RYR2: variants seen among roughly 807,000 people sequenced by gnomAD.
RYR2 encodes ryanodine receptor 2.
RYR2 carries 227 observed loss-of-function variants against 601.1 expected under a neutral mutation model. The ratio of observed to expected loss-of-function variants is 0.38; its 90% confidence interval spans 0.34 to 0.42. The LOEUF is 0.42. Among genes scored for constraint, RYR2 ranks in the 10% least tolerant of loss-of-function variants. RYR2 has a pLI of 1.00. For synonymous variants in RYR2, 2,223 were observed against 2,175.1 expected, an observed-to-expected ratio of 1.02 and a Z score of -0.61; for missense variants, 4,646 against 6,156.5, an observed-to-expected ratio of 0.75 and a Z score of 8.21.
chr1:237,785,860 G>A (rs976877480), intron 90 of RYR2, 109 bp from the exon 91 acceptor site: 6 of 783,370 alleles, frequency 7.7e-6, no homozygotes, highest in Non-Finnish European at 1.3e-5. Context: ...GTATAAGCAA[G>A]AGGGTATCTT....
chr1:237,219,037 G>A (rs1334601631), intron 1 of RYR2, among the ~76,000 whole-genome samples: 2 of 132,290 alleles, frequency 1.5e-5, no homozygotes, highest in African/African-American at 5.5e-5. Context: ...TTTTTAGCTG[G>A]CGTCTCACTC....
intron 24 of RYR2, among the ~76,000 whole-genome samples, chr1:237,519,304 T>G (rs1666865475): frequency 6.6e-6 from 1 of 152,200 alleles, no homozygotes; most frequent in Admixed American, 6.5e-5. Flanking sequence ...TTTGTCTATT[T>G]TTGTTTTTGT....
chr1:237,392,769 C>A (rs540891592), intron 10 of RYR2, among the ~76,000 whole-genome samples: 33 of 151,994 alleles, frequency 2.2e-4, no homozygotes, highest in Non-Finnish European at 3.8e-4. Context: ...TTATTTGGGG[C>A]CTTTAGTTTG....
intron 46 of RYR2, 103 bp downstream of exon 46, chr1:237,639,304 C>T (rs1037795995): frequency 1.8e-6 from 2 of 1,096,394 alleles, no homozygotes; most frequent in Non-Finnish European, 2.5e-6. Flanking sequence ...ACTTGTGGTA[C>T]AGAAGATTTC....
At chr1:237,146,479 A>G (rs1674012085) in intron 1 of RYR2, among the ~76,000 whole-genome samples, 1 of 152,244 alleles carries the variant, frequency 6.6e-6, no homozygotes, top group African/African-American at 2.4e-5. Context: ...TCAAATATGT[A>G]GATAACATAA....
rs528162088 is a variant in RYR2, at chr1:237,285,906, G to A, written c.168+15290G>A. 8.5e-5 allele frequency among the ~76,000 whole-genome samples: 13 copies of A among 152,168 alleles called. No homozygotes were observed. The East Asian group carries it at 2.5e-3, about 29-fold the overall frequency. ...TTGTTTCTTAATGAGGTTATTTGGA[G>A]TTTCTCTCTTCTTTTCTTCATTGAT... On this transcript the variant is annotated intron_variant, in intron 2 of 104. Coordinates refer to ENST00000366574, the MANE Select transcript of RYR2 (RefSeq NM_001035.3).
rs577529580 is a variant in RYR2, at chr1:237,107,821, G to A, written c.48+65252G>A. Reference sequence around the variant, plus strand: ...AGTTCTTTCCAGAAGCACGTCACACGTGTGGCATCCACCTCCCCTGCACAG... The same window carrying A: ...AGTTCTTTCCAGAAGCACGTCACACATGTGGCATCCACCTCCCCTGCACAG... On this transcript the variant is annotated intron_variant, in intron 1 of 104. Coordinates refer to ENST00000366574, the MANE Select transcript of RYR2 (RefSeq NM_001035.3). 1.6e-4 allele frequency among the ~76,000 whole-genome samples: 24 copies of A among 152,308 alleles called. 1 individual carries two copies. The South Asian group carries it at 3.3e-3, about 21-fold the overall frequency.
In RYR2 at chr1:237,707,152, G is replaced by A. The variant is rs752022110; in HGVS notation, c.9784G>A (p.Glu3262Lys). The change falls in exon 68 of 105, where the codon GAG becomes AAG. Residue 3262 changes from glutamate to lysine, a missense_variant. This residue lies in a region of RYR2 where 1,497 missense variants were observed against 1,842.6 expected (regional missense o/e 0.81). Coordinates refer to ENST00000366574, the MANE Select transcript of RYR2 (RefSeq NM_001035.3). ...HGPENNPERA[E>K]MCCTALNSEH... ...ACCTGAGAACAATCCAGAACGGGCC[G>A]AGATGTGCTGCACAGCCCTGAACTC... is the stretch of plus-strand genomic sequence containing the variant. 12 of 1,613,722 alleles carry A rather than the reference G, an allele frequency of 7.4e-6. No individual in the cohort carries two copies. Among genetic ancestry groups the A allele is most frequent in the African/African-American group, 5.3e-5 (4 of 74,892 alleles).
At chr1:237,553,701 C>A (rs1670620477) in intron 27 of RYR2, among the ~76,000 whole-genome samples, 1 of 151,846 alleles carries the variant, frequency 6.6e-6, no homozygotes, top group African/African-American at 2.4e-5. Flanking sequence ...TTTTCATCCT[C>A]TTTAGTTTCT....
chr1:237,785,099 G>A, intron 90 of RYR2, 127 bp downstream of exon 90: 1 of 735,366 alleles, frequency 1.4e-6, no homozygotes, highest in Non-Finnish European at 2.3e-6. Context: ...TTTCCAAAGA[G>A]AAATGCTTTT....
At chr1:237,776,988 T>C (rs771923334) in intron 87 of RYR2, among the ~76,000 whole-genome samples, 3 of 152,138 alleles carry the variant, frequency 2.0e-5, no homozygotes, top group Admixed American at 6.5e-5. Context: ...CCTTCCTGAG[T>C]AGTCCATATA....
Position 237,346,367 on chromosome 1 carries a change from C to CAA in RYR2, c.274-9582_274-9581dup, listed in dbSNP as rs397975831. ...CTGGGCAAAGTGAGAGGGTCTACCT[C>CAA]AAAAAAAAAAAAAAAAAGTGCATAT... On this transcript the variant is annotated intron_variant, in intron 3 of 104. Transcript: ENST00000366574. 4.8e-3 allele frequency among the ~76,000 whole-genome samples: 299 copies of CAA among 62,330 alleles called. 7 individuals carry two copies. Among genetic ancestry groups the CAA allele is most frequent in the African/African-American group, 0.015 (274 of 17,766 alleles). The allele number at this position is 62,330 out of a possible 152,430, so 40.9% of individuals were successfully genotyped here. A position where few individuals can be genotyped will look rare whatever the true frequency, so the allele number is the denominator to read the frequency against.
At chr1:237,539,117 T>C (rs774690672) in intron 25 of RYR2, among the ~76,000 whole-genome samples, 1 of 152,234 alleles carries the variant, frequency 6.6e-6, no homozygotes, top group Non-Finnish European at 1.5e-5. Context: ...TTAGCTTTCC[T>C]TAAAATGTAT....
intron 72 of RYR2, among the ~76,000 whole-genome samples, chr1:237,718,221 C>T (rs892272923): frequency 5.9e-5 from 9 of 152,190 alleles, no homozygotes; most frequent in Non-Finnish European, 1.3e-4. Flanking sequence ...GAATTGGAAA[C>T]TTGATTCCAT....
intron 62 of RYR2, among the ~76,000 whole-genome samples, chr1:237,683,923 C>CG (rs1347924445): frequency 9.0e-5 from 1 of 11,060 alleles, no homozygotes; most frequent in Non-Finnish European, 2.4e-4. Context: ...GCAGGTGGGT[C>CG]TTTTTCTTCT....
intron 1 of RYR2, among the ~76,000 whole-genome samples, chr1:237,240,489 G>A (rs983232966): frequency 6.6e-6 from 1 of 151,790 alleles, no homozygotes; most frequent in African/African-American, 2.4e-5. Flanking sequence ...TTTCTCACTG[G>A]CTTAGTGGCC....
chr1:237,807,726 C>T (rs1273946841), intron 99 of RYR2, among the ~76,000 whole-genome samples: 6 of 152,206 alleles, frequency 3.9e-5, no homozygotes, highest in Admixed American at 2.0e-4. Flanking sequence ...TCACAGTAAC[C>T]TTGCACTTCA....
chr1:237,598,453 T>C (rs928882388), intron 34 of RYR2, among the ~76,000 whole-genome samples: 20 of 152,218 alleles, frequency 1.3e-4, no homozygotes, highest in African/African-American at 3.4e-4. Flanking sequence ...TAAGATGATA[T>C]CGTATATATT....
chr1:237,285,244 C>G (rs1244299666), intron 2 of RYR2, among the ~76,000 whole-genome samples: 1 of 152,074 alleles, frequency 6.6e-6, no homozygotes, highest in Non-Finnish European at 1.5e-5. Context: ...TAAAGTGATG[C>G]TAGATTTTGT....
Sources: allele counts gnomAD v4.1 joint callset (sites outside exome capture counted in the v4.1 genomes callset), GRCh38; gene constraint gnomAD v4.1.1; regional missense constraint gnomAD v4.1.1; transcripts MANE v1.5; gene names NCBI Gene and HGNC (gene_info 2026-07-23, HGNC 2026-07-21).